The following SCHIP1 variants were observed in gnomAD, a reference collection of about 807,000 sequenced individuals.
The protein encoded by SCHIP1 is schwannomin interacting protein 1, also known as schwannomin-interacting protein 1.
Under a neutral mutation model 29.7 loss-of-function variants are expected in SCHIP1, and 8 were observed. The ratio of observed to expected loss-of-function variants is 0.27; its 90% confidence interval spans 0.16 to 0.49. The LOEUF (loss-of-function observed/expected upper bound fraction) is 0.49, where lower values mean the gene tolerates loss of function less well. SCHIP1 is among the 20% of genes least tolerant of loss of function. The pLI, the probability that SCHIP1 is intolerant of heterozygous loss-of-function variation, is 0.99. For missense variants in SCHIP1, 193 were observed against 294.6 expected (o/e 0.66, Z 2.52); for synonymous variants, 76 against 94.9 (o/e 0.80, Z 1.16).
the SCHIP1 span, among the ~76,000 whole-genome samples, chr3:159,475,819 G>A: frequency 6.6e-6 from 1 of 152,162 alleles, no homozygotes; most frequent in Non-Finnish European, 1.5e-5. Flanking sequence ...AGGAAAAGAA[G>A]CATTTGAGAG....
the SCHIP1 span, among the ~76,000 whole-genome samples, chr3:159,777,945 A>G: frequency 7.2e-5 from 11 of 152,166 alleles, no homozygotes; most frequent in African/African-American, 2.7e-4. Context: ...TAAACTAAAC[A>G]ATTTTAGGAG....
the SCHIP1 span, among the ~76,000 whole-genome samples, chr3:159,466,309 C>A: frequency 6.6e-6 from 1 of 151,728 alleles, no homozygotes; most frequent in South Asian, 2.1e-4. Context: ...AGAGACAGAC[C>A]CTGTCTCAAG....
At chr3:159,582,029 A>G in the SCHIP1 span, among the ~76,000 whole-genome samples, 76 of 152,192 alleles carry the variant, frequency 5.0e-4, 1 homozygote, top group Admixed American at 2.4e-3. Context: ...TTATATTTAC[A>G]TAATACTTAG....
the SCHIP1 span, among the ~76,000 whole-genome samples, chr3:159,730,643 A>C: frequency 9.9e-5 from 15 of 152,200 alleles, no homozygotes; most frequent in Non-Finnish European, 1.9e-4. Context: ...ATTACCTTTT[A>C]AAGATATTCC....
At chr3:159,593,526 G>A in the SCHIP1 span, among the ~76,000 whole-genome samples, 1 of 152,204 alleles carries the variant, frequency 6.6e-6, no homozygotes, top group South Asian at 2.1e-4. Context: ...ACCTCTCTGC[G>A]CCTCCATGGC....
chr3:159,818,323 G>A, the SCHIP1 span, among the ~76,000 whole-genome samples: 1 of 152,198 alleles, frequency 6.6e-6, no homozygotes, highest in Non-Finnish European at 1.5e-5. Flanking sequence ...ACTTTAAAGT[G>A]GGGACAATAA....
At chr3:159,315,483 C>T in the SCHIP1 span, among the ~76,000 whole-genome samples, 1,293 of 151,290 alleles carry the variant, frequency 8.5e-3, 17 homozygotes, top group African/African-American at 0.03. Flanking sequence ...CCACCTCAGC[C>T]TCCCAAAGTG....
chr3:159,372,037 T>C, the SCHIP1 span, among the ~76,000 whole-genome samples: 1 of 152,180 alleles, frequency 6.6e-6, no homozygotes, highest in African/African-American at 2.4e-5. Flanking sequence ...GACAATAATA[T>C]GCATTTGAAT....
the SCHIP1 span, among the ~76,000 whole-genome samples, chr3:159,469,355 AACT>A: frequency 1.3e-3 from 203 of 152,272 alleles, no homozygotes; most frequent in South Asian, 0.024. Context: ...GCCAAGCTAA[AACT>A]AGGGCTTCAT....
the SCHIP1 span, among the ~76,000 whole-genome samples, chr3:159,461,692 C>G: frequency 1.3e-5 from 2 of 151,396 alleles, no homozygotes; most frequent in African/African-American, 4.8e-5. Flanking sequence ...TCTCGGTATA[C>G]CAAACCCTTA....
At chr3:159,331,799 T>C in the SCHIP1 span, among the ~76,000 whole-genome samples, 1 of 152,088 alleles carries the variant, frequency 6.6e-6, no homozygotes, top group Non-Finnish European at 1.5e-5. Context: ...ATAGACAGAG[T>C]GAGGGTTCCA....
At chr3:159,677,481 T>C in the SCHIP1 span, among the ~76,000 whole-genome samples, 2 of 152,222 alleles carry the variant, frequency 1.3e-5, no homozygotes, top group African/African-American at 2.4e-5. Flanking sequence ...TGCACAGCCA[T>C]GTTCTGGTGT....
At chr3:159,625,433 T>C in the SCHIP1 span, among the ~76,000 whole-genome samples, 1 of 152,162 alleles carries the variant, frequency 6.6e-6, no homozygotes, top group African/African-American at 2.4e-5. Flanking sequence ...TCGAATAGCA[T>C]TACATTTCAA....
At chr3:159,276,356 C>T in the SCHIP1 span, among the ~76,000 whole-genome samples, 1 of 152,230 alleles carries the variant, frequency 6.6e-6, no homozygotes, top group East Asian at 1.9e-4. Context: ...GAGCAGGATG[C>T]TGATTGATTC....
chr3:159,363,411 A>G, the SCHIP1 span, among the ~76,000 whole-genome samples: 1 of 152,202 alleles, frequency 6.6e-6, no homozygotes, highest in Admixed American at 6.5e-5. Flanking sequence ...CAGCTGCTAC[A>G]TTGGTTTGAA....
the SCHIP1 span, among the ~76,000 whole-genome samples, chr3:159,372,305 A>G: frequency 6.6e-6 from 1 of 152,140 alleles, no homozygotes; most frequent in Non-Finnish European, 1.5e-5. Context: ...AGCTTAAAAT[A>G]AAGACCTTCA....
chr3:159,817,405 T>C, the SCHIP1 span, among the ~76,000 whole-genome samples: 1 of 152,178 alleles, frequency 6.6e-6, no homozygotes, highest in Admixed American at 6.5e-5. Flanking sequence ...CAAAGCAACC[T>C]GGACACTGAA....
chr3:159,350,821 A>G, the SCHIP1 span, among the ~76,000 whole-genome samples: 1 of 152,154 alleles, frequency 6.6e-6, no homozygotes, highest in African/African-American at 2.4e-5. Flanking sequence ...ACTATTATTA[A>G]CTATAGCCCT....
the SCHIP1 span, among the ~76,000 whole-genome samples, chr3:159,425,732 A>C: frequency 6.6e-6 from 1 of 152,228 alleles, no homozygotes; most frequent in Non-Finnish European, 1.5e-5. Context: ...ATATCAATAG[A>C]ATATACATTT....
Sources: allele counts gnomAD v4.1 joint callset (sites outside exome capture counted in the v4.1 genomes callset), GRCh38; gene constraint gnomAD v4.1.1; transcripts MANE v1.5; gene names NCBI Gene and HGNC (gene_info 2026-07-23, HGNC 2026-07-21).